The following OCA2 variants were observed in gnomAD, a reference collection of about 807,000 sequenced individuals.
OCA2 encodes OCA2 melanosomal transmembrane protein, also known as P protein.
A neutral mutation model predicts 100.2 loss-of-function variants in OCA2; 77 were observed. That is an observed-to-expected ratio of 0.77 (90% CI 0.64 to 0.93). OCA2 has a LOEUF of 0.93. Among genes scored for constraint, OCA2 ranks in the 40% least tolerant of loss-of-function variants. The pLI is 0.00. For missense variants in OCA2, 1,062 were observed against 1,089.1 expected, an observed-to-expected ratio of 0.98 and a Z score of 0.35; for synonymous variants, 432 against 439.2, an observed-to-expected ratio of 0.98 and a Z score of 0.21.
At chr15:27,764,410 A>G (rs11637518) in intron 23 of OCA2, among the ~76,000 whole-genome samples, 40,175 of 152,130 alleles carry the variant, frequency 0.26, 7,143 homozygotes, top group Non-Finnish European at 0.39. Flanking sequence ...CTTATCTCAT[A>G]AAGATGCACA....
chr15:28,011,290 C>A (rs2042231903), intron 9 of OCA2, among the ~76,000 whole-genome samples: 1 of 152,068 alleles, frequency 6.6e-6, no homozygotes, highest in South Asian at 2.1e-4. Context: ...CATAGCAAGA[C>A]CCTGATTCTA....
At chr15:28,005,379 G>A (rs1442371385) in intron 9 of OCA2, among the ~76,000 whole-genome samples, 1 of 152,118 alleles carries the variant, frequency 6.6e-6, no homozygotes, top group African/African-American at 2.4e-5. Flanking sequence ...GAGACCTTCT[G>A]TATGAGTTTC....
intron 23 of OCA2, among the ~76,000 whole-genome samples, chr15:27,828,532 T>A (rs1364810226): frequency 6.6e-6 from 1 of 152,170 alleles, no homozygotes. Context: ...AGAAATTCAA[T>A]TTTTGCCTCA....
At chr15:27,914,553 T>C (rs1167988261) in intron 19 of OCA2, among the ~76,000 whole-genome samples, 1 of 152,088 alleles carries the variant, frequency 6.6e-6, no homozygotes, top group African/African-American at 2.4e-5. Context: ...TCAGGAGCAT[T>C]TTCAAACACC....
chr15:27,736,954 C>T, the OCA2 span, among the ~76,000 whole-genome samples: 1 of 152,176 alleles, frequency 6.6e-6, no homozygotes, highest in Admixed American at 6.5e-5. Flanking sequence ...AGAGTTCATT[C>T]AGACATACTG....
intron 23 of OCA2, among the ~76,000 whole-genome samples, chr15:27,780,410 G>A (rs570339942): frequency 6.6e-6 from 1 of 152,212 alleles, no homozygotes; most frequent in Non-Finnish European, 1.5e-5. Flanking sequence ...CAACACAATA[G>A]TGCAAGCTTC....
intron 23 of OCA2, among the ~76,000 whole-genome samples, chr15:27,819,875 T>A (rs2034439295): frequency 6.6e-6 from 1 of 152,142 alleles, no homozygotes; most frequent in Admixed American, 6.5e-5. Flanking sequence ...AGAACAAGGC[T>A]TCTTGGAGAA....
At chr15:27,800,891 C>T (rs2033572159) in intron 23 of OCA2, among the ~76,000 whole-genome samples, 1 of 149,772 alleles carries the variant, frequency 6.7e-6, no homozygotes, top group African/African-American at 2.5e-5. Flanking sequence ...TTGCTTGAGG[C>T]TGGGAGGTCC....
At chr15:27,790,713 T>C (rs760299480) in intron 23 of OCA2, among the ~76,000 whole-genome samples, 8 of 152,172 alleles carry the variant, frequency 5.3e-5, no homozygotes, top group Non-Finnish European at 8.8e-5. Flanking sequence ...GACTGTATAT[T>C]TGCCAAAACT....
intron 14 of OCA2, among the ~76,000 whole-genome samples, chr15:27,976,836 C>CCTTAAT (rs2040982749): frequency 4.6e-5 from 7 of 151,838 alleles, no homozygotes; most frequent in Admixed American, 4.6e-4. Flanking sequence ...TTTTCCTTAA[C>CCTTAAT]TATTTGGGAG....
intron 23 of OCA2, among the ~76,000 whole-genome samples, chr15:27,758,597 C>T (rs2030578644): frequency 6.6e-6 from 1 of 152,026 alleles, no homozygotes; most frequent in African/African-American, 2.4e-5. Flanking sequence ...ATGACAAACA[C>T]ACTTGAAATA....
At position 27,802,250 on chromosome 15, in the gene OCA2, A is replaced by G. The variant is rs1325813539; in HGVS notation, c.2432+42709T>C. Reference sequence around the variant, plus strand: ...AGAAACAAAGTTGACAAAATATGTGAAAGACTTGTACACTGAAAACAACAC... The same window carrying G: ...AGAAACAAAGTTGACAAAATATGTGGAAGACTTGTACACTGAAAACAACAC... On this transcript the variant is annotated intron_variant, in intron 23 of 23. Transcript: ENST00000354638. Among the ~76,000 whole-genome samples, 3 of 152,192 alleles carry G rather than the reference A, an allele frequency of 2.0e-5. No individual in the cohort carries two copies. In the East Asian group the frequency reaches 5.8e-4, roughly 29 times the overall value.
intron 23 of OCA2, among the ~76,000 whole-genome samples, chr15:27,758,462 G>A (rs1388967313): frequency 3.9e-5 from 6 of 152,366 alleles, no homozygotes; most frequent in Admixed American, 3.9e-4. Context: ...GATCCCACGA[G>A]CCAGGGGTGT....
At chr15:28,052,468 GC>G (rs749380840) in intron 2 of OCA2, among the ~76,000 whole-genome samples, 56 of 152,288 alleles carry the variant, frequency 3.7e-4, no homozygotes, top group Non-Finnish European at 6.9e-4. Flanking sequence ...TTGGAATCAT[GC>G]AGGGATCAAC....
At chr15:27,981,470 T>C (rs2041158523) in intron 14 of OCA2, among the ~76,000 whole-genome samples, 1 of 152,228 alleles carries the variant, frequency 6.6e-6, no homozygotes, top group African/African-American at 2.4e-5. Flanking sequence ...AGGATGCAGT[T>C]AAAATACTTA....
chr15:27,922,680 GGTGTGTGTGTGTGTGTGT>G (rs60426286), intron 19 of OCA2, among the ~76,000 whole-genome samples: 34 of 147,092 alleles, frequency 2.3e-4, no homozygotes, highest in East Asian at 4.0e-4. Context: ...TTTTGTTTGG[GGTGTGTGTGTGTGTGTGT>G]GTGTGTGTGT....
chr15:28,083,892 G>T (rs1290082778), intron 1 of OCA2, among the ~76,000 whole-genome samples: 2 of 152,160 alleles, frequency 1.3e-5, no homozygotes, highest in Non-Finnish European at 2.9e-5. Context: ...CAATTCCAGG[G>T]CGCCATTGCC....
At chr15:28,090,264 T>G (rs1471466078) in intron 1 of OCA2, among the ~76,000 whole-genome samples, 1 of 152,226 alleles carries the variant, frequency 6.6e-6, no homozygotes, top group Admixed American at 6.5e-5. Context: ...AGTTAGAGAC[T>G]TAAACATTTA....
At chr15:27,844,199 C>A (rs571792101) in intron 23 of OCA2, among the ~76,000 whole-genome samples, 1 of 152,106 alleles carries the variant, frequency 6.6e-6, no homozygotes, top group Non-Finnish European at 1.5e-5. Context: ...ATCCGCTGGA[C>A]GCCCCCACCG....
Sources: gnomAD v4.1 joint callset for allele counts (sites outside exome capture counted in the v4.1 genomes callset) on GRCh38, gnomAD v4.1.1 for gene constraint, MANE v1.5 for transcripts, NCBI Gene and HGNC (gene_info 2026-07-23, HGNC 2026-07-21) for gene names.